The following CEP164 variants were observed in gnomAD, a reference collection of about 807,000 sequenced individuals.
CEP164 encodes centrosomal protein of 164 kDa.
CEP164 carries 162 observed loss-of-function variants against 182.7 expected under a neutral mutation model. The observed-to-expected ratio is 0.89, with a 90% CI of 0.78 to 1.01. The LOEUF is 1.01. CEP164 is among the 50% of genes least tolerant of loss of function. The pLI is 0.00. For missense variants in CEP164, 1,735 were observed against 1,790.4 expected (o/e 0.97, Z 0.56); for synonymous variants, 661 against 690.0 (o/e 0.96, Z 0.66).
chr11:117,381,880 G>T lies in CEP164; in HGVS notation c.1577+12G>T. 1.4e-6 allele frequency: 2 copies of T among 1,477,848 alleles called. No homozygotes were observed. Among genetic ancestry groups the T allele is most frequent in the Non-Finnish European group, 1.8e-6 (2 of 1,112,368 alleles). 91.5% of individuals were successfully genotyped at this position (1,477,848 alleles called of 1,614,324 possible). On this transcript the variant is annotated intron_variant, in intron 13 of 32. Coordinates refer to ENST00000278935, the MANE Select transcript of CEP164 (RefSeq NM_014956.5). ...CTGTCCCTCCAGAGGTAAGGATGAGGGGAAGCATCCTCATGAGGATGAGGG... is the reference window on the plus strand; with the variant it reads ...CTGTCCCTCCAGAGGTAAGGATGAGTGGAAGCATCCTCATGAGGATGAGGG...
intron 27 of CEP164, among the ~76,000 whole-genome samples, chr11:117,407,096 C>G (rs1173428728): frequency 1.3e-5 from 2 of 151,470 alleles, no homozygotes; most frequent in Admixed American, 6.6e-5. Flanking sequence ...GACTCTATTT[C>G]AAAAAAAGAG....
chr11:117,353,975 G>A (rs995587115), intron 5 of CEP164, among the ~76,000 whole-genome samples: 3 of 150,798 alleles, frequency 2.0e-5, no homozygotes, highest in African/African-American at 7.3e-5. Context: ...GGGTGTCCTT[G>A]GTAAGGTTGG....
intron 27 of CEP164, among the ~76,000 whole-genome samples, chr11:117,404,003 AG>A (rs1172726576): frequency 6.6e-6 from 1 of 151,954 alleles, no homozygotes; most frequent in African/African-American, 2.4e-5. Flanking sequence ...CAGCTCCATC[AG>A]GTCATTTATG....
chr11:117,388,417 A>T (rs771005755), intron 15 of CEP164, among the ~76,000 whole-genome samples: 1 of 152,272 alleles, frequency 6.6e-6, no homozygotes, highest in Non-Finnish European at 1.5e-5. Context: ...CTCTGTGGAC[A>T]CTGCCTTCAA....
chr11:117,410,775 G>A, intron 30 of CEP164, 53 bp from the exon 31 acceptor site: 1 of 1,504,066 alleles, frequency 6.6e-7, no homozygotes, highest in Non-Finnish European at 9.2e-7. Flanking sequence ...GGTGCTGGTG[G>A]GCAGGGTGGT....
chr11:117,360,004 C>T (rs1347198459), intron 5 of CEP164, among the ~76,000 whole-genome samples: 1 of 152,142 alleles, frequency 6.6e-6, no homozygotes, highest in Non-Finnish European at 1.5e-5. Flanking sequence ...GGAAGGAGAA[C>T]AGGGAAAAGA....
rs553344370 is a variant in CEP164 at position 117,409,010 on chromosome 11, T to A, written c.3730T>A (p.Trp1244Arg). The stretch of plus-strand genomic sequence containing the variant: ...ATCTTTTTCCCCGCCTCACCGTGAG[T>A]GGTGGCGGCAGCAGAGGAGTGAGTG... The part of the protein sequence containing the change: ...SESFSPPHRE[W>R]WRQQRIDSTP... Residue 1244 changes from tryptophan (W) to arginine (R), a missense_variant, in exon 29 of 33, where the codon TGG (tryptophan) becomes AGG (arginine). Transcript: ENST00000278935. The surrounding 1 kb of genome is among the most constrained non-coding windows in gnomAD (Gnocchi z 4.4). 2.5e-6 allele frequency: 4 copies of A among 1,613,352 alleles called. No homozygotes were observed. The East Asian group carries it at 8.9e-5, about 36-fold the overall frequency.
At chr11:117,383,564 G>GT (rs1162093646) in intron 14 of CEP164, among the ~76,000 whole-genome samples, 1 of 152,184 alleles carries the variant, frequency 6.6e-6, no homozygotes, top group Non-Finnish European at 1.5e-5. Flanking sequence ...AGCTCAGTGT[G>GT]TTTTTCTGAT....
At chr11:117,410,463 C>T in intron 30 of CEP164, 1 of 269,950 alleles carries the variant, frequency 3.7e-6, no homozygotes, top group Non-Finnish European at 7.1e-6. Context: ...GAGTAACAAA[C>T]TCAGTTGTGA....
At chr11:117,390,559 C>T (rs1224269087) in intron 15 of CEP164, among the ~76,000 whole-genome samples, 3 of 151,364 alleles carry the variant, frequency 2.0e-5, no homozygotes, top group Admixed American at 6.6e-5. Flanking sequence ...TTGCTTAAGC[C>T]CAGGAGTTTA....
intron 15 of CEP164, 135 bp from the exon 16 acceptor site, chr11:117,390,642 G>GAAAA: frequency 1.0e-6 from 1 of 971,466 alleles, no homozygotes; most frequent in South Asian, 1.7e-5. Flanking sequence ...TCTCCAAAAA[G>GAAAA]AAAAAAAAAA....
chr11:117,338,767 C>T, intron 3 of CEP164, 99 bp downstream of exon 3: 2 of 954,954 alleles, frequency 2.1e-6, no homozygotes, highest in Non-Finnish European at 3.4e-6. Context: ...AAGTATGGTA[C>T]ATGTACAGAG....
At chr11:117,344,089 A>G in intron 3 of CEP164, 77 bp from the exon 4 acceptor site, 1 of 767,596 alleles carries the variant, frequency 1.3e-6, no homozygotes, top group Non-Finnish European at 2.2e-6. Context: ...GAGAGAAAAG[A>G]CAAAGTAGAA....
At chr11:117,391,909 C>T (rs945798548) in intron 17 of CEP164, among the ~76,000 whole-genome samples, 3 of 152,156 alleles carry the variant, frequency 2.0e-5, no homozygotes, top group East Asian at 3.9e-4. Context: ...CCAACCTGGC[C>T]CCCCTGGCTT....
In CEP164 at chr11:117,363,548, A is replaced by G. The variant is rs752244904; in HGVS notation, c.765+42A>G. On this transcript the variant is annotated intron_variant, in intron 8 of 32. Coordinates refer to ENST00000278935, the MANE Select transcript of CEP164 (RefSeq NM_014956.5). ...CTACAGGCACATGTGTCAGCCTGGC[A>G]TATCCCTCCTGTTTTTATTAAGCCC... The G allele has an allele frequency of 1.6e-5, 23 of 1,400,466 alleles. No individual in the cohort carries two copies. In the East Asian group the frequency reaches 2.5e-4, roughly 15 times the overall value. 86.8% of individuals were successfully genotyped at this position (1,400,466 alleles called of 1,614,324 possible). A position where few individuals can be genotyped will look rare whatever the true frequency, so the allele number is the denominator to read the frequency against.
At chr11:117,324,778 G>T (rs1440714820), upstream of CEP164, among the ~76,000 whole-genome samples, 1 of 152,114 alleles carries the variant, frequency 6.6e-6, no homozygotes, top group Non-Finnish European at 1.5e-5. Flanking sequence ...GAGGTGGGTG[G>T]ATCACCTGAG....
chr11:117,357,261 C>G (rs1464470574), intron 5 of CEP164, among the ~76,000 whole-genome samples: 1 of 151,880 alleles, frequency 6.6e-6, no homozygotes, highest in Non-Finnish European at 1.5e-5. Context: ...TGCTCACCAC[C>G]ACTCCCAGCC....
chr11:117,387,239 C>A lies in CEP164; in HGVS notation c.1761C>A (p.Leu587=), dbSNP rs774344338. ...STEPVAPPEQ[L]SEAALKAMEE... is the part of the protein sequence containing the mutation. ...AGCCTGTGGCTCCCCCAGAGCAGCT[C>A]TCAGAGGCTGCACTAAAGGCCATGG... The change falls in exon 15 of 33, where the codon CTC becomes CTA. Residue 587 remains leucine (L), a synonymous_variant. Coordinates refer to ENST00000278935, the MANE Select transcript of CEP164 (RefSeq NM_014956.5). The A allele has an allele frequency of 2.3e-5, 37 of 1,614,170 alleles. No individual in the cohort carries two copies. Among genetic ancestry groups the A allele is most frequent in the Non-Finnish European group, 3.1e-5 (37 of 1,180,014 alleles).
Position 117,389,060 on chromosome 11 carries a change from G to A in CEP164, c.1934+1648G>A, listed in dbSNP as rs1015993181. On this transcript the variant is annotated intron_variant, in intron 15 of 32. Coordinates refer to ENST00000278935, the MANE Select transcript of CEP164 (RefSeq NM_014956.5). ...GCTGGGATTACAGGCGTGAGCCACTGTGCCCGGCCAAATTTTCTCTCTTAA... is the reference window on the plus strand; with the variant it reads ...GCTGGGATTACAGGCGTGAGCCACTATGCCCGGCCAAATTTTCTCTCTTAA... Among the ~76,000 whole-genome samples the A allele has an allele frequency of 4.6e-5, 7 of 152,158 alleles. No individual in the cohort carries two copies. In the East Asian group the frequency reaches 1.4e-3, roughly 29 times the overall value.
Sources: gnomAD v4.1 joint callset for allele counts (sites outside exome capture counted in the v4.1 genomes callset) on GRCh38, gnomAD v4.1.1 for gene constraint, Gnocchi (gnomAD v3.1) non-coding constraint, MANE v1.5 for transcripts, NCBI Gene and HGNC (gene_info 2026-07-23, HGNC 2026-07-21) for gene names.